Variants in RUSC2 observed in about 807,000 individuals in gnomAD.
The protein encoded by RUSC2 is RUN and SH3 domain containing 2.
In RUSC2, 34 loss-of-function variants were observed where a neutral mutation model predicts 122.2. The observed-to-expected ratio is 0.28, with a 90% CI of 0.21 to 0.37. The LOEUF (loss-of-function observed/expected upper bound fraction) is 0.37. Ranked by LOEUF, RUSC2 falls within the 10% of genes least tolerant of loss-of-function variation. RUSC2 has a pLI of 1.00. For synonymous variants in RUSC2, 784 were observed against 790.0 expected (o/e 0.99, Z 0.13); for missense variants, 1,747 against 1,952.4 (o/e 0.89, Z 1.98).
chr9:35,552,988 G>T (rs756841915), intron 2 of RUSC2, among the ~76,000 whole-genome samples: 2 of 152,112 alleles, frequency 1.3e-5, no homozygotes, highest in East Asian at 3.8e-4. Context: ...CTTTGTATAG[G>T]GGGTATAATA....
At chr9:35,522,407 G>C (rs1821233313) in intron 1 of RUSC2, among the ~76,000 whole-genome samples, 1 of 152,324 alleles carries the variant, frequency 6.6e-6, no homozygotes, top group East Asian at 1.9e-4. Flanking sequence ...AGTGCATGGG[G>C]CATTAGGCCT....
chr9:35,547,134 T>G lies in RUSC2; in HGVS notation c.613T>G (p.Cys205Gly). The change falls in exon 2 of 12, where the codon TGT (cysteine) becomes GGT (glycine). Residue 205 changes from cysteine (C) to glycine (G), a missense_variant. By Grantham distance (159) the Cys-to-Gly change is radical. Coordinates refer to ENST00000361226, the MANE Select transcript of RUSC2 (RefSeq NM_014806.5). This position sits in a 1 kb window ranked among gnomAD's most constrained non-coding sequence, Gnocchi z 4.6. ...AGCAGAGACTATGGAGCTGGATGAG[T>G]GTGGGGGACCTGGTGGGAGTGGCAG... ...LEAETMELDE[C>G]GGPGGSGSGG... The G allele has an allele frequency of 6.2e-7, 1 of 1,613,944 alleles. No homozygotes were observed. The highest frequency in any genetic ancestry group is 8.5e-7 in the Non-Finnish European group (1 of 1,179,960).
Position 35,548,048 on chromosome 9 carries a change from C to T in RUSC2, c.1527C>T (p.Val509=), listed in dbSNP as rs778755717. The part of the protein sequence containing the change: ...YDRSLQRSPP[V]RLGSLERMLS... ...GCAGCCTGCAGCGCAGCCCTCCTGTCCGCCTGGGCTCGCTGGAACGTATGT... is the reference window on the plus strand; with the variant it reads ...GCAGCCTGCAGCGCAGCCCTCCTGTTCGCCTGGGCTCGCTGGAACGTATGT... The change falls in exon 2 of 12, where the codon GTC becomes GTT. Residue 509 remains valine (V), a synonymous_variant. Coordinates refer to ENST00000361226, the MANE Select transcript of RUSC2 (RefSeq NM_014806.5). This position sits in a 1 kb window ranked among gnomAD's most constrained non-coding sequence, Gnocchi z 4.5. 1.2e-6 allele frequency: 2 copies of T among 1,613,564 alleles called. No homozygotes were observed. Among genetic ancestry groups the T allele is most frequent in the Non-Finnish European group, 1.7e-6 (2 of 1,180,060 alleles).
intron 1 of RUSC2, among the ~76,000 whole-genome samples, chr9:35,509,940 C>T (rs1820983446): frequency 6.6e-6 from 1 of 152,144 alleles, no homozygotes; most frequent in Non-Finnish European, 1.5e-5. Flanking sequence ...TCCTGAAGAG[C>T]AGAGTTCTAT....
intron 1 of RUSC2, among the ~76,000 whole-genome samples, chr9:35,521,075 G>A (rs1821206026): frequency 6.6e-6 from 1 of 152,204 alleles, no homozygotes; most frequent in Non-Finnish European, 1.5e-5. Flanking sequence ...GCACCTGGGA[G>A]TATAGGTGTG....
intron 2 of RUSC2, among the ~76,000 whole-genome samples, chr9:35,552,408 G>C (rs1478057556): frequency 6.6e-6 from 1 of 152,156 alleles, no homozygotes; most frequent in Non-Finnish European, 1.5e-5. Flanking sequence ...AGCTGAGACG[G>C]CTCTTTGAGA....
rs771224414 is a variant in RUSC2, at chr9:35,561,253, A to G, written c.4422A>G (p.Leu1474=). Residue 1474 remains leucine (L), a synonymous_variant, in exon 12 of 12, where the codon CTA becomes CTG. Coordinates refer to ENST00000361226, the MANE Select transcript of RUSC2 (RefSeq NM_014806.5). ...TGAGCTTCCACAAAGGAGACATCCT[A>G]CGAGTGCTGGGGCGAGCTGGAGGAG... is the stretch of plus-strand genomic sequence containing the variant. ...GQLSFHKGDI[L]RVLGRAGGDW... 27 of 1,614,088 alleles carry G rather than the reference A, an allele frequency of 1.7e-5. No homozygotes were observed. In the East Asian group the frequency reaches 6.0e-4, roughly 36 times the overall value.
intron 1 of RUSC2, among the ~76,000 whole-genome samples, chr9:35,539,490 A>G (rs1425515049): frequency 2.0e-5 from 3 of 152,094 alleles, no homozygotes; most frequent in Admixed American, 2.0e-4. Flanking sequence ...TAAGTTTATG[A>G]TGGAGAACAT....
In RUSC2 at chr9:35,561,696, C is replaced by CCAT. The variant is rs1822182436; in HGVS notation, c.*316_*318dup. ...CCCTGGAGGCGGGTGGCCCAGAAAG[C>CCAT]CATCTACAGGGTTCCCTAGGCCAGG... On this transcript the variant is annotated 3_prime_UTR_variant, in exon 12 of 12. Transcript: ENST00000361226. 9.5e-6 allele frequency: 5 copies of CCAT among 528,088 alleles called. No individual in the cohort carries two copies. The highest frequency in any genetic ancestry group is 5.7e-5 in the African/African-American group (3 of 52,754). 32.7% of individuals were successfully genotyped at this position (528,088 alleles called of 1,614,324 possible). A position where few individuals can be genotyped will look rare whatever the true frequency, so the allele number is the denominator to read the frequency against.
rs142532595 is a variant in RUSC2 at position 35,511,718 on chromosome 9, T to C, written c.-93+21546T>C. On this transcript the variant is annotated intron_variant, in intron 1 of 11. Transcript: ENST00000361226. ...ATGAAGATAGCCTCTGTCCTTAGCA[T>C]GCAATCAAGAAGGAAATAGAAAGTG... Among the ~76,000 whole-genome samples the C allele has an allele frequency of 2.7e-3, 418 of 152,346 alleles. 1 individual carries two copies. The highest frequency in any genetic ancestry group is 0.014 in the Middle Eastern group (4 of 294).
chr9:35,546,552 AC>A lies in RUSC2; in HGVS notation c.34del (p.Leu12SerfsTer48). 6.8e-7 allele frequency: 1 copy of A among 1,480,066 alleles called. No individual in the cohort carries two copies. Among genetic ancestry groups the A allele is most frequent in the Non-Finnish European group, 9.0e-7 (1 of 1,114,756 alleles). The allele number at this position is 1,480,066 out of a possible 1,614,324, so 91.7% of individuals were successfully genotyped here. A position where few individuals can be genotyped will look rare whatever the true frequency, so the allele number is the denominator to read the frequency against. The stretch of plus-strand genomic sequence containing the variant: ...TAGTCCCCCAAAGCTGACTGGAGAG[AC>A]CCTCATCGTTCATCACATCCCCCTG... MDSPPKLTGE[T>X]LIVHHIPLVH... On this transcript the variant is annotated frameshift_variant, in exon 2 of 12. Transcript: ENST00000361226. LOFTEE classifies it high-confidence loss of function. The surrounding 1 kb of genome is among the most constrained non-coding windows in gnomAD (Gnocchi z 4.3).
chr9:35,550,763 G>T (rs778164108), intron 2 of RUSC2, among the ~76,000 whole-genome samples: 18 of 152,152 alleles, frequency 1.2e-4, no homozygotes, highest in Non-Finnish European at 2.1e-4. Context: ...AGAGACAGAA[G>T]AATTAGGACA....
At chr9:35,556,534 C>CTAAGTGCTGGCTGGGCCCTCTA in intron 5 of RUSC2, 86 bp downstream of exon 5, 1 of 1,526,266 alleles carries the variant, frequency 6.6e-7, no homozygotes, top group Non-Finnish European at 8.8e-7. Context: ...TCTGAAACCT[C>CTAAGTGCTGGCTGGGCCCTCTA]TAAGTGCTGG....
intron 1 of RUSC2, among the ~76,000 whole-genome samples, chr9:35,525,323 A>G (rs1211468489): frequency 6.6e-6 from 1 of 152,120 alleles, no homozygotes; most frequent in South Asian, 2.1e-4. Context: ...GCTTTCTTCC[A>G]TGCCTTGTTT....
Position 35,543,381 on chromosome 9 carries a change from C to G in RUSC2, c.-92-3049C>G, listed in dbSNP as rs550734241. Among the ~76,000 whole-genome samples, 19 of 152,150 alleles carry G rather than the reference C, an allele frequency of 1.2e-4. 1 individual carries two copies. The South Asian group carries it at 2.9e-3, about 23-fold the overall frequency. ...AGGCTGCAGTGAGCCATGATCGCAC[C>G]ACTGCACTCCAGCCTCGGTGATAGA... On this transcript the variant is annotated intron_variant, in intron 1 of 11. Transcript: ENST00000361226.
rs1013977914 is a variant in RUSC2, at chr9:35,558,351, T to C, written c.3215T>C (p.Val1072Ala). 3 of 1,613,924 alleles carry C rather than the reference T, an allele frequency of 1.9e-6. No homozygotes were observed. Among genetic ancestry groups the C allele is most frequent in the African/African-American group, 1.3e-5 (1 of 74,882 alleles). ...GQRKNMPWSV[V>A]EASTQLGPST... is the part of the protein sequence containing the mutation. ...CGTAAGAACATGCCATGGAGTGTGG[T>C]TGAGGCTTCCACACAGCTAGGTAGG... is the stretch of plus-strand genomic sequence containing the variant. The change falls in exon 7 of 12, where the codon GTT (valine) becomes GCT (alanine). Residue 1072 changes from valine (V) to alanine (A), a missense_variant. Coordinates refer to ENST00000361226, the MANE Select transcript of RUSC2 (RefSeq NM_014806.5). The surrounding 1 kb of genome is among the most constrained non-coding windows in gnomAD (Gnocchi z 4.3).
intron 1 of RUSC2, among the ~76,000 whole-genome samples, chr9:35,513,509 C>G (rs942124295): frequency 4.0e-5 from 6 of 151,710 alleles, no homozygotes; most frequent in Admixed American, 1.3e-4. Context: ...TCTCCAAGTG[C>G]TAGGATTACA....
chr9:35,531,260 CA>C (rs201948661), intron 1 of RUSC2, among the ~76,000 whole-genome samples: 3 of 146,454 alleles, frequency 2.0e-5, no homozygotes, highest in Admixed American at 1.4e-4. Flanking sequence ...GACTCTCTCT[CA>C]AAAAAAAAAG....
At chr9:35,541,132 A>G (rs1821634190) in intron 1 of RUSC2, among the ~76,000 whole-genome samples, 1 of 152,128 alleles carries the variant, frequency 6.6e-6, no homozygotes, top group South Asian at 2.1e-4. Context: ...ATGACCTCAT[A>G]ACTTTATACT....
Sources: gnomAD v4.1 joint callset for allele counts (sites outside exome capture counted in the v4.1 genomes callset) on GRCh38, gnomAD v4.1.1 for gene constraint, Gnocchi (gnomAD v3.1) non-coding constraint, MANE v1.5 for transcripts, NCBI Gene and HGNC (gene_info 2026-07-23, HGNC 2026-07-21) for gene names.